Variants in CC2D2B observed in about 807,000 individuals in gnomAD.
CC2D2B encodes coiled-coil and C2 domain containing 2B.
A neutral mutation model predicts 161.2 loss-of-function variants in CC2D2B; 128 were observed. The observed-to-expected ratio is 0.79, with a 90% confidence interval of 0.69 to 0.92. The LOEUF is 0.92. Ranked by LOEUF, CC2D2B falls within the 40% of genes least tolerant of loss-of-function variation. The pLI is 0.00. For missense variants in CC2D2B, 1,173 were observed against 1,375.1 expected, an observed-to-expected ratio of 0.85 and a Z score of 2.32; for synonymous variants, 391 against 449.8, an observed-to-expected ratio of 0.87 and a Z score of 1.65.
chr10:95,933,960 G>C (rs1292411403), intron 6 of CC2D2B, among the ~76,000 whole-genome samples: 1 of 152,174 alleles, frequency 6.6e-6, no homozygotes, highest in Non-Finnish European at 1.5e-5. Flanking sequence ...GAACGTTTAA[G>C]TCTGCTGAAG....
chr10:95,992,626 C>T lies in CC2D2B; in HGVS notation c.2571C>T (p.Asp857=), dbSNP rs977502027. Reference sequence around the variant, plus strand: ...AAGTCACAGCGCAGGCGATCTCTGACGGAGATATTAAGATTCTTGTCCGAA... The same window carrying T: ...AAGTCACAGCGCAGGCGATCTCTGATGGAGATATTAAGATTCTTGTCCGAA... The part of the protein sequence containing the change: ...RKKVTAQAIS[D]GDIKILVRIV... The change falls in exon 22 of 35, where the codon GAC becomes GAT. Residue 857 remains aspartate, a synonymous_variant. Coordinates refer to ENST00000646931, the MANE Select transcript of CC2D2B (RefSeq NM_001349008.3). 21 of 1,234,138 alleles carry T rather than the reference C, an allele frequency of 1.7e-5. 1 individual carries two copies. The highest frequency in any genetic ancestry group is 3.2e-5 in the East Asian group (1 of 31,698). 76.4% of individuals were successfully genotyped at this position (1,234,138 alleles called of 1,614,324 possible).
chr10:96,009,686 G>C (rs1283667536), intron 25 of CC2D2B, 139 bp from the exon 26 acceptor site: 1 of 462,674 alleles, frequency 2.2e-6, no homozygotes, highest in Non-Finnish European at 3.7e-6. Flanking sequence ...TAAAAAGCAA[G>C]AAAAACAGAT....
At chr10:95,911,989 T>G (rs1221334101) in intron 2 of CC2D2B, among the ~76,000 whole-genome samples, 2 of 152,172 alleles carry the variant, frequency 1.3e-5, no homozygotes, top group African/African-American at 4.8e-5. Flanking sequence ...TATTCAGTAG[T>G]TTTTAATAGT....
chr10:96,022,720 A>G (rs961743269), intron 32 of CC2D2B: 1 of 152,302 alleles, frequency 6.6e-6, no homozygotes, highest in Non-Finnish European at 1.5e-5. Context: ...AGATACTACA[A>G]GAAAAAAGAC....
Position 96,004,604 on chromosome 10 carries a change from A to C in CC2D2B, c.2946+356A>C, listed in dbSNP as rs148822411. Reference sequence around the variant, plus strand: ...ATTATCTGATCAAAGAAAATATACCACTCCTGCAAAAGAGATCAAATTATT... The same window carrying C: ...ATTATCTGATCAAAGAAAATATACCCCTCCTGCAAAAGAGATCAAATTATT... On this transcript the variant is annotated intron_variant, in intron 25 of 34. Coordinates refer to ENST00000646931, the MANE Select transcript of CC2D2B (RefSeq NM_001349008.3). Among the ~76,000 whole-genome samples, 443 of 152,208 alleles carry C rather than the reference A, an allele frequency of 2.9e-3. 2 individuals are homozygous for C. Among genetic ancestry groups the C allele is most frequent in the African/African-American group, 0.01 (420 of 41,546 alleles).
intron 23 of CC2D2B, among the ~76,000 whole-genome samples, chr10:95,995,610 C>T (rs1198770458): frequency 5.9e-5 from 9 of 152,208 alleles, no homozygotes; most frequent in Admixed American, 2.6e-4. Context: ...CCCATGCCTA[C>T]AATCAGCCTC....
At chr10:96,009,081 G>T (rs2078878420) in intron 25 of CC2D2B, among the ~76,000 whole-genome samples, 1 of 151,876 alleles carries the variant, frequency 6.6e-6, no homozygotes, top group Admixed American at 6.6e-5. Context: ...TTTTAAATAT[G>T]GTTTGACTGT....
intron 34 of CC2D2B, among the ~76,000 whole-genome samples, chr10:96,029,263 T>TAC (rs1564689031): frequency 1.5e-3 from 102 of 66,968 alleles, no homozygotes; most frequent in South Asian, 3.8e-3. Context: ...TATATATATA[T>TAC]ATATATATAT....
intron 19 of CC2D2B, among the ~76,000 whole-genome samples, chr10:95,987,697 A>G (rs1314275189): frequency 2.0e-5 from 3 of 152,204 alleles, no homozygotes; most frequent in Non-Finnish European, 2.9e-5. Flanking sequence ...CACATTAACT[A>G]CTTAGTATAT....
At chr10:95,942,390 C>A (rs753266627) in intron 9 of CC2D2B, among the ~76,000 whole-genome samples, 29 of 152,074 alleles carry the variant, frequency 1.9e-4, no homozygotes, top group Non-Finnish European at 3.7e-4. Context: ...TTAAAAAATT[C>A]TTTTTTCTCT....
At position 95,977,010 on chromosome 10, in the gene CC2D2B, A is replaced by C. The variant is rs570424781; in HGVS notation, c.1943+2854A>C. ...GGTGATCCGCCTGGCTCCACCTCCC[A>C]AAGTGTTGGGATTACAGGCATGAGC... On this transcript the variant is annotated intron_variant, in intron 17 of 34. Transcript: ENST00000646931. 3.2e-3 allele frequency among the ~76,000 whole-genome samples: 493 copies of C among 152,242 alleles called. 3 individuals carry two copies. Among genetic ancestry groups the C allele is most frequent in the African/African-American group, 0.01 (417 of 41,560 alleles).
At chr10:95,919,540 A>T (rs1034936366) in intron 2 of CC2D2B, 1 of 152,208 alleles carries the variant, frequency 6.6e-6, no homozygotes, top group South Asian at 2.1e-4. Context: ...GGAAGGAGTG[A>T]TGCAGACACT....
chr10:95,930,716 CT>C (rs2098548501), intron 6 of CC2D2B, among the ~76,000 whole-genome samples: 1 of 152,192 alleles, frequency 6.6e-6, no homozygotes, highest in South Asian at 2.1e-4. Flanking sequence ...TGGAATCAGC[CT>C]TGCTTCCCAG....
chr10:95,994,564 C>T (rs1026857541), intron 22 of CC2D2B, among the ~76,000 whole-genome samples: 3 of 152,162 alleles, frequency 2.0e-5, no homozygotes, highest in Non-Finnish European at 2.9e-5. Flanking sequence ...TTCCCTGACT[C>T]CTCCAAGGAA....
At chr10:96,017,348 A>T (rs2079248427) in intron 30 of CC2D2B, among the ~76,000 whole-genome samples, 1 of 152,154 alleles carries the variant, frequency 6.6e-6, no homozygotes, top group African/African-American at 2.4e-5. Context: ...CTATTAATAG[A>T]AGTTCATTCC....
intron 24 of CC2D2B, among the ~76,000 whole-genome samples, chr10:96,001,135 C>T (rs1590827334): frequency 6.6e-6 from 1 of 152,148 alleles, no homozygotes; most frequent in East Asian, 1.9e-4. Flanking sequence ...CATACACACA[C>T]ACACAGACCC....
At chr10:95,968,615 T>C in intron 14 of CC2D2B, 109 bp from the exon 15 acceptor site, 1 of 426,958 alleles carries the variant, frequency 2.3e-6, no homozygotes, top group East Asian at 3.6e-5. Flanking sequence ...ATAACATTTG[T>C]CCTCTGAAAT....
In CC2D2B at chr10:96,033,359, T is replaced by G. The variant is rs1281021616; in HGVS notation, c.*1351T>G. On this transcript the variant is annotated 3_prime_UTR_variant, in exon 35 of 35. Coordinates refer to ENST00000646931, the MANE Select transcript of CC2D2B (RefSeq NM_001349008.3). ...AGGGACATGGGTGAAGGAATGTTTT[T>G]TTCTCCCAGGTTAAAACCTAACTGT... Among the ~76,000 whole-genome samples the G allele has an allele frequency of 6.6e-6, 1 of 152,240 alleles. No individual in the cohort carries two copies. Among genetic ancestry groups the G allele is most frequent in the Non-Finnish European group, 1.5e-5 (1 of 68,038 alleles).
At chr10:95,978,563 G>T (rs1219629003) in intron 17 of CC2D2B, among the ~76,000 whole-genome samples, 1 of 152,020 alleles carries the variant, frequency 6.6e-6, no homozygotes, top group East Asian at 1.9e-4. Flanking sequence ...TAAGAGATGA[G>T]GAGGTCTTGC....
Sources: gnomAD v4.1 joint callset for allele counts (sites outside exome capture counted in the v4.1 genomes callset) on GRCh38, gnomAD v4.1.1 for gene constraint, MANE v1.5 for transcripts, NCBI Gene and HGNC (gene_info 2026-07-23, HGNC 2026-07-21) for gene names.